Variants in DGCR2 observed in about 807,000 individuals in gnomAD.
The protein encoded by DGCR2 is DiGeorge syndrome critical region gene 2, also known as integral membrane protein DGCR2/IDD.
DGCR2 carries 24 observed loss-of-function variants against 51.6 expected under a neutral mutation model. The observed-to-expected ratio is 0.47, with a 90% CI of 0.34 to 0.65. The LOEUF (loss-of-function observed/expected upper bound fraction) is 0.65, where lower values mean the gene tolerates loss of function less well. Ranked by LOEUF, DGCR2 falls within the 30% of genes least tolerant of loss-of-function variation. The probability of loss-of-function intolerance (pLI) is 0.01; values close to 1 mark genes in which losing one functional copy is unlikely to be tolerated. For synonymous variants in DGCR2, 340 were observed against 315.4 expected (o/e 1.08, Z -0.82); for missense variants, 765 against 772.1 (o/e 0.99, Z 0.11).
At chr22:19,049,177 C>T (rs980223023) in intron 6 of DGCR2, among the ~76,000 whole-genome samples, 2 of 152,220 alleles carry the variant, frequency 1.3e-5, no homozygotes, top group African/African-American at 4.8e-5. Context: ...TTTCTCAATT[C>T]TAAGATGCAG....
rs141421532 is a variant in DGCR2 at position 19,039,043 on chromosome 22, C to T, written c.1475G>A (p.Arg492His). The T allele has an allele frequency of 1.5e-3, 2,390 of 1,612,962 alleles. 32 individuals are homozygous for T. Among genetic ancestry groups the T allele is most frequent in the East Asian group, 8.5e-3 (381 of 44,888 alleles). The change falls in exon 10 of 10, where the codon CGC (arginine) becomes CAC (histidine). Residue 492 changes from arginine (R) to histidine (H), a missense_variant. Transcript: ENST00000263196. ...DGGSEGALLR[R>H]LEQPLPTAGA... ...CGCAGTGGGCAGAGGCTGCTCCAGG[C>T]GCCGGAGTAATGCACCTTCACTCCC...
rs1431557423 is a variant in DGCR2, at chr22:19,096,565, C to CCA, written c.80-7077_80-7076dup. Among the ~76,000 whole-genome samples the CCA allele has an allele frequency of 2.0e-5, 3 of 152,034 alleles. No homozygotes were observed. The East Asian group carries it at 5.8e-4, about 29-fold the overall frequency. ...CTTGTATCAAAATATCATATATACC[C>CCA]CACACATGTAACTACTGTGTCCATA... On this transcript the variant is annotated intron_variant, in intron 1 of 9. Coordinates refer to ENST00000263196, the MANE Select transcript of DGCR2 (RefSeq NM_005137.3).
At position 19,036,391 on chromosome 22, in the gene DGCR2, A is replaced by G. The variant is rs775182531; in HGVS notation, c.*2474T>C. The G allele has an allele frequency of 4.6e-5, 7 of 152,644 alleles. No homozygotes were observed. Among genetic ancestry groups the G allele is most frequent in the Non-Finnish European group, 8.8e-5 (6 of 68,034 alleles). 9.5% of individuals were successfully genotyped at this position (152,644 alleles called of 1,614,324 possible). Reference sequence around the variant, plus strand: ...AAAACTAAAAACCCTTAATGAAAACATAAAAAAACAGGCATCAAGACAATG... The same window carrying G: ...AAAACTAAAAACCCTTAATGAAAACGTAAAAAAACAGGCATCAAGACAATG... On this transcript the variant is annotated 3_prime_UTR_variant, in exon 10 of 10. Transcript: ENST00000263196.
At chr22:19,060,722 C>G (rs751197767) in intron 5 of DGCR2, 1 of 318,854 alleles carries the variant, frequency 3.1e-6, no homozygotes, top group East Asian at 8.4e-5. Context: ...GCAGCAGCAG[C>G]GGCAGTTCTG....
chr22:19,097,968 C>A (rs1376366599), intron 1 of DGCR2, among the ~76,000 whole-genome samples: 1 of 152,196 alleles, frequency 6.6e-6, no homozygotes, highest in Non-Finnish European at 1.5e-5. Flanking sequence ...GGCTGTGCTT[C>A]CTCCCTGGGC....
chr22:19,046,439 A>G (rs2082490814), intron 7 of DGCR2: 3 of 153,824 alleles, frequency 2.0e-5, no homozygotes, highest in African/African-American at 7.2e-5. Context: ...AGGATTTTCT[A>G]TGCAATCATG....
intron 1 of DGCR2, among the ~76,000 whole-genome samples, chr22:19,121,220 G>T (rs1448171516): frequency 6.6e-6 from 1 of 152,150 alleles, no homozygotes; most frequent in Non-Finnish European, 1.5e-5. Flanking sequence ...CTTTTTCACT[G>T]TATTAGTATA....
intron 7 of DGCR2, among the ~76,000 whole-genome samples, chr22:19,044,398 T>C (rs2082466036): frequency 6.6e-6 from 1 of 152,192 alleles, no homozygotes; most frequent in African/African-American, 2.4e-5. Context: ...GAGCTCACCA[T>C]TTCATTGAGC....
chr22:19,056,454 G>A (rs968513162), intron 6 of DGCR2: 3 of 540,450 alleles, frequency 5.6e-6, no homozygotes, highest in East Asian at 4.3e-5. Flanking sequence ...GCCATCCTGC[G>A]AAGCCAGAAG....
chr22:19,121,734 G>A, intron 1 of DGCR2: 1 of 160,062 alleles, frequency 6.2e-6, no homozygotes, highest in Non-Finnish European at 1.4e-5. Context: ...CAGGCGAGGA[G>A]TTTCCAGGAC....
At chr22:19,075,646 G>A (rs1369806321) in intron 2 of DGCR2, among the ~76,000 whole-genome samples, 1 of 152,182 alleles carries the variant, frequency 6.6e-6, no homozygotes, top group Non-Finnish European at 1.5e-5. Flanking sequence ...CTATGCATTT[G>A]AGTATCTTGA....
chr22:19,063,735 A>T (rs1455210622), intron 4 of DGCR2, among the ~76,000 whole-genome samples: 1 of 152,116 alleles, frequency 6.6e-6, no homozygotes, highest in Admixed American at 6.5e-5. Flanking sequence ...GAAAAGTTTT[A>T]TCTCAGGGAA....
intron 1 of DGCR2, among the ~76,000 whole-genome samples, chr22:19,112,044 G>A (rs1265681734): frequency 2.0e-5 from 3 of 151,862 alleles, no homozygotes; most frequent in Admixed American, 6.6e-5. Context: ...AGATGCAGGC[G>A]GGTGGATCAC....
Position 19,102,327 on chromosome 22 carries a change from A to G in DGCR2, c.80-12837T>C, listed in dbSNP as rs530601251. On this transcript the variant is annotated intron_variant, in intron 1 of 9. Coordinates refer to ENST00000263196, the MANE Select transcript of DGCR2 (RefSeq NM_005137.3). The stretch of plus-strand genomic sequence containing the variant: ...TAGTTTCTGTTTGGATTGACAAAAA[A>G]GTTCTGGAAGTGGGTAATGGTGCTC... Among the ~76,000 whole-genome samples the G allele has an allele frequency of 4.6e-5, 7 of 152,332 alleles. No individual in the cohort carries two copies. The East Asian group carries it at 1.4e-3, about 29-fold the overall frequency.
intron 1 of DGCR2, among the ~76,000 whole-genome samples, chr22:19,097,244 T>C (rs1442185047): frequency 1.3e-5 from 2 of 151,976 alleles, no homozygotes; most frequent in Non-Finnish European, 2.9e-5. Flanking sequence ...CCTATATATA[T>C]ATATACATAT....
chr22:19,062,761 ACACACACATG>A (rs2082683553), intron 5 of DGCR2, among the ~76,000 whole-genome samples: 1 of 131,998 alleles, frequency 7.6e-6, no homozygotes, highest in African/African-American at 2.6e-5. Flanking sequence ...CTTTGCGCAC[ACACACACATG>A]CATGCTCACT....
chr22:19,056,810 A>T (rs536758975), intron 6 of DGCR2, among the ~76,000 whole-genome samples, 176 bp downstream of exon 6: 2 of 152,228 alleles, frequency 1.3e-5, no homozygotes, highest in South Asian at 4.2e-4. Context: ...GATGCTGACC[A>T]GCTGCCCTGG....
chr22:19,099,834 G>A (rs2083181911), intron 1 of DGCR2, among the ~76,000 whole-genome samples: 1 of 151,982 alleles, frequency 6.6e-6, no homozygotes, highest in Non-Finnish European at 1.5e-5. Flanking sequence ...AGCTGGGCAT[G>A]GTGGCACATG....
At chr22:19,121,070 T>C (rs948530154) in intron 1 of DGCR2, among the ~76,000 whole-genome samples, 4 of 152,284 alleles carry the variant, frequency 2.6e-5, no homozygotes, top group African/African-American at 9.6e-5. Context: ...AGGTGCGGTG[T>C]ATCTGGGCTG....
Sources: gnomAD v4.1 joint callset for allele counts (sites outside exome capture counted in the v4.1 genomes callset) on GRCh38, gnomAD v4.1.1 for gene constraint, MANE v1.5 for transcripts, NCBI Gene and HGNC (gene_info 2026-07-23, HGNC 2026-07-21) for gene names.